The following LHFPL3 variants were observed in gnomAD, a reference collection of about 807,000 sequenced individuals.
LHFPL3 encodes the protein LHFPL tetraspan subfamily member 3, also known as LHFPL tetraspan subfamily member 3 protein.
Under a neutral mutation model 19.3 loss-of-function variants are expected in LHFPL3, and 5 were observed. That is an observed-to-expected ratio of 0.26 (90% confidence interval 0.14 to 0.54). The LOEUF is 0.54. Ranked by LOEUF, LHFPL3 falls within the 20% of genes least tolerant of loss-of-function variation. LHFPL3 has a pLI of 0.94. For synonymous variants in LHFPL3, 133 were observed against 126.2 expected (o/e 1.05, Z -0.36); for missense variants, 249 against 307.4 (o/e 0.81, Z 1.42).
intron 1 of LHFPL3, among the ~76,000 whole-genome samples, chr7:104,711,878 C>T (rs764847708): frequency 3.4e-4 from 51 of 152,112 alleles, no homozygotes; most frequent in Non-Finnish European, 1.2e-4. Context: ...GCCACAGTAA[C>T]TACAAATTAG....
chr7:104,743,173 C>A (rs1793969538), intron 2 of LHFPL3, among the ~76,000 whole-genome samples: 1 of 151,956 alleles, frequency 6.6e-6, no homozygotes, highest in Non-Finnish European at 1.5e-5. Context: ...TCTAGGATGC[C>A]CTGAATGTTT....
In LHFPL3 at chr7:104,329,124, C is replaced by G. The variant is rs1801520375; in HGVS notation, c.345C>G (p.Ser115=). 1 of 1,614,100 alleles carries G rather than the reference C, an allele frequency of 6.2e-7. No homozygotes were observed. Among genetic ancestry groups the G allele is most frequent in the Non-Finnish European group, 8.5e-7 (1 of 1,179,912 alleles). The change falls in exon 1 of 3, where the codon TCC becomes TCG. Residue 115 remains serine (S), a synonymous_variant. Coordinates refer to ENST00000424859, the MANE Select transcript of LHFPL3 (RefSeq NM_199000.3). ...FKAASFFIGL[S]MMLIIACIIC... ...CCGCCTCCTTCTTTATCGGCCTCTC[C>G]ATGATGCTCATCATTGCCTGCATCA... is the stretch of plus-strand genomic sequence containing the variant.
intron 1 of LHFPL3, among the ~76,000 whole-genome samples, chr7:104,543,204 A>G (rs952252827): frequency 4.6e-5 from 7 of 152,258 alleles, no homozygotes; most frequent in South Asian, 2.1e-4. Context: ...TACCTAATGC[A>G]TGCAGGCCTT....
intron 1 of LHFPL3, among the ~76,000 whole-genome samples, chr7:104,448,128 A>G (rs1028087042): frequency 4.6e-5 from 7 of 152,140 alleles, no homozygotes; most frequent in African/African-American, 1.7e-4. Context: ...CCCTCAAGTC[A>G]TGGATATAGC....
At chr7:104,733,167 G>A (rs1199363561) in intron 1 of LHFPL3, among the ~76,000 whole-genome samples, 1 of 152,214 alleles carries the variant, frequency 6.6e-6, no homozygotes, top group Non-Finnish European at 1.5e-5. Context: ...TTTGGAATAG[G>A]TGTGGTGTGG....
At chr7:104,512,429 CTA>C (rs775449610) in intron 1 of LHFPL3, among the ~76,000 whole-genome samples, 3 of 151,400 alleles carry the variant, frequency 2.0e-5, no homozygotes, top group Non-Finnish European at 4.4e-5. Context: ...CTAGCAGGCT[CTA>C]TGTTGCTGTG....
At chr7:104,505,048 C>T (rs1292483415) in intron 1 of LHFPL3, among the ~76,000 whole-genome samples, 1 of 152,138 alleles carries the variant, frequency 6.6e-6, no homozygotes, top group African/African-American at 2.4e-5. Flanking sequence ...GCTATGTATA[C>T]ACATATGTGT....
intron 2 of LHFPL3, chr7:104,895,278 T>G (rs1792332702): frequency 6.6e-6 from 1 of 152,238 alleles, no homozygotes; most frequent in South Asian, 2.1e-4. Flanking sequence ...TGTAGAAATC[T>G]TCACCATATC....
chr7:104,424,548 A>G (rs553411882), intron 1 of LHFPL3, among the ~76,000 whole-genome samples: 18 of 152,316 alleles, frequency 1.2e-4, no homozygotes, highest in African/African-American at 3.8e-4. Flanking sequence ...CAATAAATCC[A>G]TATACTGCTT....
At chr7:104,688,811 A>T (rs926858215) in intron 1 of LHFPL3, among the ~76,000 whole-genome samples, 2 of 152,174 alleles carry the variant, frequency 1.3e-5, no homozygotes, top group African/African-American at 4.8e-5. Flanking sequence ...ACTCCAAAAG[A>T]ACTGCTTGAG....
At chr7:104,440,349 G>A (rs889568841) in intron 1 of LHFPL3, among the ~76,000 whole-genome samples, 3 of 151,548 alleles carry the variant, frequency 2.0e-5, no homozygotes, top group African/African-American at 7.3e-5. Flanking sequence ...TCACTCATAG[G>A]TGGGAATCGA....
intron 2 of LHFPL3, among the ~76,000 whole-genome samples, chr7:104,898,907 A>T (rs1792424702): frequency 1.3e-5 from 2 of 152,064 alleles, no homozygotes. Flanking sequence ...GCTTGAGCCC[A>T]GGAGTTCGAG....
At chr7:104,457,497 C>G (rs1258098490) in intron 1 of LHFPL3, among the ~76,000 whole-genome samples, 2 of 151,896 alleles carry the variant, frequency 1.3e-5, no homozygotes, top group Non-Finnish European at 2.9e-5. Context: ...GCCACATTTT[C>G]TTAATCCAGT....
intron 1 of LHFPL3, among the ~76,000 whole-genome samples, chr7:104,557,133 A>G (rs1225749611): frequency 6.6e-6 from 1 of 152,060 alleles, no homozygotes; most frequent in Non-Finnish European, 1.5e-5. Flanking sequence ...AAGCCCTCCA[A>G]ACTCTTCCAA....
chr7:104,365,798 A>ATAAAT (rs1429684486), intron 1 of LHFPL3, among the ~76,000 whole-genome samples: 1 of 65,812 alleles, frequency 1.5e-5, no homozygotes, highest in East Asian at 4.7e-4. Flanking sequence ...AAAAAAAAAA[A>ATAAAT]AAAAAAAGAA....
chr7:104,532,589 C>A (rs1295772300), intron 1 of LHFPL3, among the ~76,000 whole-genome samples: 4 of 152,142 alleles, frequency 2.6e-5, no homozygotes, highest in Non-Finnish European at 5.9e-5. Context: ...AAATCCTTCT[C>A]TCTCTCCATG....
chr7:104,548,857 T>C (rs35057092), intron 1 of LHFPL3, among the ~76,000 whole-genome samples: 28,876 of 152,144 alleles, frequency 0.19, 3,117 homozygotes, highest in Non-Finnish European at 0.24. Context: ...TGTTTCTGCC[T>C]CAAGGACCCT....
intron 2 of LHFPL3, among the ~76,000 whole-genome samples, chr7:104,854,395 T>A (rs750498445): frequency 3.3e-5 from 5 of 152,210 alleles, no homozygotes; most frequent in African/African-American, 4.8e-5. Flanking sequence ...TGAATTTCCC[T>A]TACAAAAGGG....
chr7:104,678,990 T>C (rs1467740770), intron 1 of LHFPL3, among the ~76,000 whole-genome samples: 1 of 152,216 alleles, frequency 6.6e-6, no homozygotes, highest in East Asian at 1.9e-4. Flanking sequence ...TAATTGTGCA[T>C]TTTATTAGTT....
Sources: allele counts gnomAD v4.1 joint callset (sites outside exome capture counted in the v4.1 genomes callset), GRCh38; gene constraint gnomAD v4.1.1; transcripts MANE v1.5; gene names NCBI Gene and HGNC (gene_info 2026-07-23, HGNC 2026-07-21).